Variants in SLIT3 observed in about 807,000 individuals in gnomAD.
SLIT3 encodes the protein slit guidance ligand 3, also known as slit homolog 3 protein.
A neutral mutation model predicts 184.0 loss-of-function variants in SLIT3; 68 were observed. The observed-to-expected ratio is 0.37, with a 90% CI of 0.30 to 0.45. The LOEUF (loss-of-function observed/expected upper bound fraction) is 0.45. SLIT3 is among the 20% of genes least tolerant of loss of function. The probability of loss-of-function intolerance (pLI) is 1.00; values close to 1 mark genes in which losing one functional copy is unlikely to be tolerated. For synonymous variants in SLIT3, 831 were observed against 828.6 expected, an observed-to-expected ratio of 1.00 and a Z score of -0.05; for missense variants, 1,707 against 2,026.0, an observed-to-expected ratio of 0.84 and a Z score of 3.02.
At chr5:169,105,501 C>T (rs928460773) in intron 4 of SLIT3, among the ~76,000 whole-genome samples, 1 of 152,210 alleles carries the variant, frequency 6.6e-6, no homozygotes, top group Non-Finnish European at 1.5e-5. Context: ...CAAAGTCACG[C>T]CAAGCGTTAC....
At chr5:168,918,652 A>G (rs1160647051) in intron 4 of SLIT3, among the ~76,000 whole-genome samples, 2 of 152,196 alleles carry the variant, frequency 1.3e-5, no homozygotes, top group African/African-American at 4.8e-5. Flanking sequence ...GGCCTCCCTA[A>G]GCATCAATGA....
At chr5:168,830,244 C>T (rs993327535) in intron 6 of SLIT3, among the ~76,000 whole-genome samples, 3 of 152,292 alleles carry the variant, frequency 2.0e-5, no homozygotes, top group East Asian at 1.9e-4. Flanking sequence ...CCAAGCCTCC[C>T]GCTCAGCCCA....
At chr5:169,080,021 G>T (rs950214693) in intron 4 of SLIT3, among the ~76,000 whole-genome samples, 2 of 151,892 alleles carry the variant, frequency 1.3e-5, no homozygotes, top group African/African-American at 4.8e-5. Flanking sequence ...ATTTAAGGGG[G>T]GCTACTGCAA....
chr5:168,968,805 A>G (rs910542337), intron 4 of SLIT3, among the ~76,000 whole-genome samples: 1 of 152,206 alleles, frequency 6.6e-6, no homozygotes, highest in Non-Finnish European at 1.5e-5. Flanking sequence ...GCTTTGACTC[A>G]GACAGACTTA....
intron 4 of SLIT3, among the ~76,000 whole-genome samples, chr5:169,178,409 C>T (rs866726853): frequency 6.6e-6 from 1 of 152,210 alleles, no homozygotes; most frequent in African/African-American, 2.4e-5. Context: ...TGCCATTCAG[C>T]TCTGGCATTC....
chr5:168,709,560 G>A (rs1243526643), intron 25 of SLIT3, among the ~76,000 whole-genome samples: 1 of 152,204 alleles, frequency 6.6e-6, no homozygotes, highest in East Asian at 1.9e-4. Flanking sequence ...GCCTAGGTGA[G>A]CCTCTTTAGT....
At chr5:169,147,944 C>T (rs573482790) in intron 4 of SLIT3, among the ~76,000 whole-genome samples, 18 of 152,282 alleles carry the variant, frequency 1.2e-4, no homozygotes, top group Admixed American at 3.9e-4. Context: ...GTGCCCTGTA[C>T]GCCTGAAGCC....
At chr5:168,785,831 A>C (rs904708194) in intron 12 of SLIT3, 76 bp downstream of exon 12, 9 of 1,070,556 alleles carry the variant, frequency 8.4e-6, no homozygotes, top group South Asian at 3.8e-5. Flanking sequence ...AACTCTCCAG[A>C]GCATGGCTCA....
At chr5:168,675,562 G>T (rs1285302264) in intron 32 of SLIT3, among the ~76,000 whole-genome samples, 5 of 152,162 alleles carry the variant, frequency 3.3e-5, no homozygotes, top group African/African-American at 1.2e-4. Context: ...GAGAGGGTAC[G>T]TGAAAGTGCT....
At chr5:169,103,763 C>T (rs980377684) in intron 4 of SLIT3, among the ~76,000 whole-genome samples, 3 of 152,124 alleles carry the variant, frequency 2.0e-5, no homozygotes, top group Non-Finnish European at 4.4e-5. Context: ...GCTCACTCCT[C>T]GGGCCAGGGC....
At chr5:169,206,619 C>A (rs1050054738) in intron 3 of SLIT3, among the ~76,000 whole-genome samples, 5 of 152,182 alleles carry the variant, frequency 3.3e-5, no homozygotes, top group Non-Finnish European at 5.9e-5. Flanking sequence ...GTAAACGATT[C>A]AAACATTCCT....
intron 5 of SLIT3, among the ~76,000 whole-genome samples, chr5:168,861,355 C>G (rs1231152835): frequency 6.6e-6 from 1 of 151,856 alleles, no homozygotes; most frequent in Non-Finnish European, 1.5e-5. Flanking sequence ...GTCTATGACT[C>G]TTGGTAGAGC....
chr5:168,755,232 A>G (rs1297206308), intron 16 of SLIT3, among the ~76,000 whole-genome samples: 1 of 152,170 alleles, frequency 6.6e-6, no homozygotes, highest in Non-Finnish European at 1.5e-5. Context: ...ATTTGAAGCC[A>G]GGTTTTCTGG....
rs538626598 is a variant in SLIT3 at position 168,902,004 on chromosome 5, T to C, written c.414-18668A>G. On this transcript the variant is annotated intron_variant, in intron 4 of 35. Transcript: ENST00000519560. ...GCAACCTCTGCCTCCCAGGTTCAAGTGATTCTCCTGCCTTATAGCTGGGAC... is the reference window on the plus strand; with the variant it reads ...GCAACCTCTGCCTCCCAGGTTCAAGCGATTCTCCTGCCTTATAGCTGGGAC... Among the ~76,000 whole-genome samples, 44 of 152,294 alleles carry C rather than the reference T, an allele frequency of 2.9e-4. 1 individual carries two copies. The highest frequency in any genetic ancestry group is 9.4e-4 in the African/African-American group (39 of 41,560).
intron 1 of SLIT3, among the ~76,000 whole-genome samples, chr5:169,264,202 G>T (rs911649714): frequency 2.0e-5 from 3 of 151,850 alleles, no homozygotes; most frequent in Non-Finnish European, 2.9e-5. Flanking sequence ...GGTTTTGGGG[G>T]TTGTTTTTTG....
At chr5:168,875,362 T>A (rs776449177) in intron 5 of SLIT3, among the ~76,000 whole-genome samples, 3 of 152,030 alleles carry the variant, frequency 2.0e-5, no homozygotes, top group Non-Finnish European at 2.9e-5. Context: ...CCGGGCATGG[T>A]GGCTCATGCC....
chr5:169,228,517 C>G (rs1275018505), intron 3 of SLIT3, among the ~76,000 whole-genome samples: 1 of 152,178 alleles, frequency 6.6e-6, no homozygotes, highest in Non-Finnish European at 1.5e-5. Context: ...CAGAGCCTTC[C>G]TGGACTTGCT....
At chr5:168,683,939 T>A (rs1257247351) in intron 32 of SLIT3, 27 bp downstream of exon 32, 1 of 1,462,170 alleles carries the variant, frequency 6.8e-7, no homozygotes, top group East Asian at 2.6e-5. Context: ...GAACACACAG[T>A]GGGTCAGGAG....
At chr5:169,102,023 G>A (rs922299654) in intron 4 of SLIT3, among the ~76,000 whole-genome samples, 1 of 152,194 alleles carries the variant, frequency 6.6e-6, no homozygotes, top group African/African-American at 2.4e-5. Context: ...CAGAATGTGA[G>A]TTCCTTGAGT....
Sources: allele counts gnomAD v4.1 joint callset (sites outside exome capture counted in the v4.1 genomes callset), GRCh38; gene constraint gnomAD v4.1.1; transcripts MANE v1.5; gene names NCBI Gene and HGNC (gene_info 2026-07-23, HGNC 2026-07-21).